PLD5: variants seen among roughly 807,000 people sequenced by gnomAD.
PLD5 encodes the protein inactive phospholipase D5.
Under a neutral mutation model 61.1 loss-of-function variants are expected in PLD5, and 36 were observed. That is an observed-to-expected ratio of 0.59 (90% CI 0.45 to 0.78). The LOEUF is 0.78. Among genes scored for constraint, PLD5 ranks in the 30% least tolerant of loss-of-function variants. The pLI is 0.00. For synonymous variants in PLD5, 243 were observed against 242.8 expected, an observed-to-expected ratio of 1.00 and a Z score of -0.01; for missense variants, 515 against 644.4, an observed-to-expected ratio of 0.80 and a Z score of 2.17.
intron 1 of PLD5, among the ~76,000 whole-genome samples, chr1:242,402,298 T>C (rs1663982539): frequency 6.6e-6 from 1 of 152,196 alleles, no homozygotes; most frequent in Non-Finnish European, 1.5e-5. Flanking sequence ...ACTTTTTATT[T>C]TTTTGCATGA....
At chr1:242,100,272 A>C (rs1002031766) in intron 9 of PLD5, among the ~76,000 whole-genome samples, 1 of 151,728 alleles carries the variant, frequency 6.6e-6, no homozygotes, top group Non-Finnish European at 1.5e-5. Flanking sequence ...GCACTGAACC[A>C]CTCCACTGCC....
chr1:242,454,255 C>T (rs546051644), intron 1 of PLD5, among the ~76,000 whole-genome samples: 7 of 151,376 alleles, frequency 4.6e-5, no homozygotes, highest in Non-Finnish European at 8.8e-5. Context: ...ATCGCTTGAA[C>T]CTGGGAGGCA....
intron 1 of PLD5, among the ~76,000 whole-genome samples, chr1:242,517,889 T>C (rs1460817669): frequency 1.3e-5 from 2 of 152,116 alleles, no homozygotes; most frequent in African/African-American, 4.8e-5. Flanking sequence ...GTTTGCCAAT[T>C]GGTATTTTTT....
In PLD5 at chr1:242,304,776, T is replaced by G. The variant is rs528093378; in HGVS notation, c.327-16246A>C. On this transcript the variant is annotated intron_variant, in intron 2 of 9. Transcript: ENST00000536534. The stretch of plus-strand genomic sequence containing the variant: ...TGGCAGAACAGATTTCTTCATTGAA[T>G]GTTTCTATAAAACAAATAACAGTTT... Among the ~76,000 whole-genome samples the G allele has an allele frequency of 1.3e-5, 2 of 152,360 alleles. 1 individual carries two copies. Among genetic ancestry groups the G allele is most frequent in the South Asian group, 4.1e-4 (2 of 4,832 alleles).
intron 1 of PLD5, among the ~76,000 whole-genome samples, chr1:242,433,400 T>C (rs1306222881): frequency 6.6e-6 from 1 of 152,188 alleles, no homozygotes; most frequent in Non-Finnish European, 1.5e-5. Context: ...TCATTTAATC[T>C]TAGGATAGAG....
Position 242,156,825 on chromosome 1 carries a change from T to C in PLD5, c.736-32160A>G, listed in dbSNP as rs550748121. Among the ~76,000 whole-genome samples the C allele has an allele frequency of 3.3e-5, 5 of 152,270 alleles. No individual in the cohort carries two copies. The South Asian group carries it at 1.0e-3, about 32-fold the overall frequency. ...CAACCTTGGTTGAATGTGACAATTA[T>C]GTGTCTTGTGTTTGCTCTGCTTGAG... is the stretch of plus-strand genomic sequence containing the variant. On this transcript the variant is annotated intron_variant, in intron 5 of 9. Transcript: ENST00000536534.
intron 1 of PLD5, among the ~76,000 whole-genome samples, chr1:242,484,630 A>T (rs1038836287): frequency 6.6e-6 from 1 of 152,226 alleles, no homozygotes; most frequent in African/African-American, 2.4e-5. Flanking sequence ...TACCAGAGGT[A>T]CAAGGAGGAG....
chr1:242,475,354 C>T (rs891950862), intron 1 of PLD5, among the ~76,000 whole-genome samples: 2 of 137,740 alleles, frequency 1.5e-5, no homozygotes, highest in South Asian at 2.3e-4. Context: ...ACCCGGGAAG[C>T]GGAGCTTGCA....
At chr1:242,321,282 ATTCT>A (rs1333195025) in intron 2 of PLD5, among the ~76,000 whole-genome samples, 3 of 149,066 alleles carry the variant, frequency 2.0e-5, no homozygotes, top group Non-Finnish European at 3.0e-5. Flanking sequence ...TTTACCATCT[ATTCT>A]TTCTTTCTTT....
At chr1:242,266,895 A>C (rs1189723524) in intron 3 of PLD5, among the ~76,000 whole-genome samples, 2 of 152,064 alleles carry the variant, frequency 1.3e-5, no homozygotes, top group East Asian at 3.9e-4. Context: ...GGCGGGCACA[A>C]CACCTGAGGT....
chr1:242,289,326 G>A (rs946963406), intron 2 of PLD5, among the ~76,000 whole-genome samples: 1 of 152,014 alleles, frequency 6.6e-6, no homozygotes, highest in African/African-American at 2.4e-5. Context: ...GCTTTATTAA[G>A]CTTTATTTAT....
chr1:242,361,827 G>A (rs3964168), intron 1 of PLD5, among the ~76,000 whole-genome samples: 2,939 of 151,938 alleles, frequency 0.019, 38 homozygotes, highest in East Asian at 0.033. Context: ...ATCATTGAAC[G>A]AGCTCTTAAA....
At chr1:242,337,905 G>C (rs1659619035) in intron 2 of PLD5, among the ~76,000 whole-genome samples, 1 of 152,120 alleles carries the variant, frequency 6.6e-6, no homozygotes, top group South Asian at 2.1e-4. Context: ...AAACTGCTTT[G>C]GATTTGTCGT....
chr1:242,113,283 C>T (rs925247886), intron 7 of PLD5, among the ~76,000 whole-genome samples: 27 of 151,820 alleles, frequency 1.8e-4, no homozygotes, highest in Non-Finnish European at 3.7e-4. Flanking sequence ...TTAGTGGAGA[C>T]GGGGTTTCAC....
chr1:242,453,552 T>C (rs1028095054), intron 1 of PLD5, among the ~76,000 whole-genome samples: 6 of 152,186 alleles, frequency 3.9e-5, no homozygotes, highest in African/African-American at 1.4e-4. Context: ...AGTGTATTCA[T>C]TATTTGCCTG....
chr1:242,302,311 T>A (rs1676100123), intron 2 of PLD5, among the ~76,000 whole-genome samples: 1 of 152,244 alleles, frequency 6.6e-6, no homozygotes, highest in African/African-American at 2.4e-5. Flanking sequence ...CCATGATTGG[T>A]TGCCTCTACA....
chr1:242,235,998 C>T (rs1671615664), intron 4 of PLD5: 1 of 152,172 alleles, frequency 6.6e-6, no homozygotes, highest in Non-Finnish European at 1.5e-5. Context: ...AGCACATGCA[C>T]AAGTGACTGT....
At chr1:242,495,319 A>T (rs1353617609) in intron 1 of PLD5, among the ~76,000 whole-genome samples, 1 of 152,104 alleles carries the variant, frequency 6.6e-6, no homozygotes, top group Non-Finnish European at 1.5e-5. Context: ...AGCTAGACGG[A>T]CACCACTTCT....
chr1:242,399,296 G>T (rs991294808), intron 1 of PLD5, among the ~76,000 whole-genome samples: 1 of 152,098 alleles, frequency 6.6e-6, no homozygotes, highest in African/African-American at 2.4e-5. Context: ...TGAGTAGAGA[G>T]AATTTATATA....
Sources: gnomAD v4.1 joint callset for allele counts (sites outside exome capture counted in the v4.1 genomes callset) on GRCh38, gnomAD v4.1.1 for gene constraint, MANE v1.5 for transcripts, NCBI Gene and HGNC (gene_info 2026-07-23, HGNC 2026-07-21) for gene names.